TASOR2: variants seen among roughly 807,000 people sequenced by gnomAD.
TASOR2 encodes the protein transcription activation suppressor family member 2.
A neutral mutation model predicts 199.5 loss-of-function variants in TASOR2; 84 were observed. The observed-to-expected ratio is 0.42, with a 90% CI of 0.35 to 0.50. The LOEUF (loss-of-function observed/expected upper bound fraction) is 0.50, where lower values mean the gene tolerates loss of function less well. Among genes scored for constraint, TASOR2 ranks in the 20% least tolerant of loss-of-function variants. The probability of loss-of-function intolerance (pLI) is 0.02; values close to 1 mark genes in which losing one functional copy is unlikely to be tolerated. For missense variants in TASOR2, 2,796 were observed against 2,835.9 expected (o/e 0.99, Z 0.32); for synonymous variants, 1,103 against 1,046.6 (o/e 1.05, Z -1.04).
intron 10 of TASOR2, 61 bp downstream of exon 11, chr10:5,727,184 C>G: frequency 3.8e-6 from 6 of 1,562,056 alleles, no homozygotes; most frequent in Non-Finnish European, 5.3e-6. Flanking sequence ...CCTCATCTGA[C>G]TTGACCTCTC....
chr10:5,715,529 C>A (rs942619920), intron 2 of TASOR2, among the ~76,000 whole-genome samples: 4 of 152,104 alleles, frequency 2.6e-5, no homozygotes, highest in African/African-American at 9.7e-5. Context: ...GTTTTTAAGG[C>A]ATATTGTAGC....
In TASOR2 at chr10:5,751,349, G is replaced by A. The variant is rs76243878; in HGVS notation, c.6606+1322G>A. ...AAATAGTGATACTGAAATTCCACCA[G>A]ATTCCTTCTGCATTTATTAGTTGGT... On this transcript the variant is annotated intron_variant, in intron 15 of 20. Transcript: ENST00000328090. This position sits in a 1 kb window ranked among gnomAD's most constrained non-coding sequence, Gnocchi z 5.3. Among the ~76,000 whole-genome samples the A allele has an allele frequency of 0.014, 2,075 of 152,310 alleles. 63 individuals carry two copies. Among genetic ancestry groups the A allele is most frequent in the Admixed American group, 0.081 (1,239 of 15,286 alleles).
At chr10:5,714,057 T>TGA (rs1588684467) in intron 2 of TASOR2, 78 bp from the exon 3 acceptor site, 2 of 465,918 alleles carry the variant, frequency 4.3e-6, no homozygotes, top group African/African-American at 8.7e-5. Context: ...AAAAATAAAA[T>TGA]TAAAAAAAAA....
intron 20 of TASOR2, 41 bp from the exon 22 acceptor site, chr10:5,762,988 A>G (rs1840120274): frequency 6.3e-7 from 1 of 1,596,838 alleles, no homozygotes; most frequent in Admixed American, 1.7e-5. Context: ...TCTTGTTCGT[A>G]TTATTTTAAG....
intron 15 of TASOR2, among the ~76,000 whole-genome samples, chr10:5,756,045 T>C (rs558601048): frequency 6.6e-6 from 1 of 152,046 alleles, no homozygotes; most frequent in Non-Finnish European, 1.5e-5. Context: ...ATTATAGAAT[T>C]TATTTAATTA....
intron 6 of TASOR2, among the ~76,000 whole-genome samples, chr10:5,721,845 C>T (rs1261988395): frequency 6.6e-6 from 1 of 152,176 alleles, no homozygotes; most frequent in African/African-American, 2.4e-5. Flanking sequence ...CTGGCAGATA[C>T]CATCTTAACT....
intron 17 of TASOR2, 44 bp from the exon 19 acceptor site, chr10:5,758,842 AC>A: frequency 6.9e-7 from 1 of 1,450,268 alleles, no homozygotes; most frequent in Non-Finnish European, 9.7e-7. Context: ...AGCCAAAAGT[AC>A]CTTAAACTTG....
chr10:5,744,872 G>A (rs1165317191), intron 14 of TASOR2, among the ~76,000 whole-genome samples: 1 of 151,940 alleles, frequency 6.6e-6, no homozygotes, highest in Admixed American at 6.6e-5. Flanking sequence ...ATAGTGATCC[G>A]CCCACCACAG....
rs755900374 is a variant in TASOR2, at chr10:5,762,517, T to G, written c.7175-15T>G. On this transcript the variant is annotated splice_polypyrimidine_tract_variant and intron_variant, in intron 19 of 20. Transcript: ENST00000328090. ...ATTATATTAACCAAAAGTTGTTTTT[T>G]TTTTTTTTTAACAGACAAGCCTACT... 4.9e-6 allele frequency: 3 copies of G among 606,962 alleles called. No individual in the cohort carries two copies. The South Asian group carries it at 1.0e-4, about 21-fold the overall frequency. The allele number at this position is 606,962 out of a possible 1,614,324, so 37.6% of individuals were successfully genotyped here.
At chr10:5,708,964 C>T (rs993330522) in intron 1 of TASOR2, among the ~76,000 whole-genome samples, 5 of 152,152 alleles carry the variant, frequency 3.3e-5, no homozygotes, top group South Asian at 2.1e-4. Context: ...AGCTTCCCGG[C>T]GTGCTGGGAT....
chr10:5,688,580 C>T (rs536794426), intron 1 of TASOR2, among the ~76,000 whole-genome samples: 4 of 152,134 alleles, frequency 2.6e-5, no homozygotes, highest in South Asian at 4.1e-4. Context: ...TATGAATGAA[C>T]TTCTCATGCT....
chr10:5,692,610 T>C (rs539232432), intron 1 of TASOR2, among the ~76,000 whole-genome samples: 2 of 152,090 alleles, frequency 1.3e-5, no homozygotes, highest in South Asian at 4.1e-4. Flanking sequence ...ACAAGCTCCG[T>C]TGGGTCTACG....
In TASOR2 at chr10:5,685,173, C is replaced by T; in HGVS notation, c.-290C>T. On this transcript the variant is annotated splice_region_variant and 5_prime_UTR_variant, in exon 1 of 21. The change creates a new upstream start codon in the 5' untranslated region. Coordinates refer to ENST00000328090, the Ensembl canonical transcript of TASOR2. The surrounding 1 kb of genome is among the most constrained non-coding windows in gnomAD (Gnocchi z 5.4). ...TCGGGGGCGGCGGCCACGCCAAGGA[C>T]GGGTAAGTCCCTCCTCGGCCTGGGC... 1 of 398,018 alleles carries T rather than the reference C, an allele frequency of 2.5e-6. No homozygotes were observed. Among genetic ancestry groups the T allele is most frequent in the East Asian group, 3.6e-5 (1 of 28,028 alleles). 24.7% of individuals were successfully genotyped at this position (398,018 alleles called of 1,614,324 possible).
intron 14 of TASOR2, among the ~76,000 whole-genome samples, chr10:5,743,553 A>C (rs1231290145): frequency 6.6e-6 from 1 of 152,154 alleles, no homozygotes; most frequent in Non-Finnish European, 1.5e-5. Flanking sequence ...AGAAAACCTA[A>C]ATGTTAACTA....
intron 10 of TASOR2, among the ~76,000 whole-genome samples, chr10:5,729,820 C>T (rs1564308754): frequency 6.6e-6 from 1 of 150,998 alleles, no homozygotes; most frequent in Non-Finnish European, 1.5e-5. Flanking sequence ...GACCTTTTCT[C>T]TTTTTTTTTC....
intron 1 of TASOR2, among the ~76,000 whole-genome samples, chr10:5,692,294 T>A (rs1308966471): frequency 1.3e-5 from 2 of 151,926 alleles, no homozygotes; most frequent in Non-Finnish European, 2.9e-5. Flanking sequence ...GGACGAAGAG[T>A]TATAATAACT....
At chr10:5,761,081 C>G in intron 18 of TASOR2, 1 of 519,406 alleles carries the variant, frequency 1.9e-6, no homozygotes, top group Non-Finnish European at 3.4e-6. Flanking sequence ...TGATGTCCCT[C>G]TTAGAATGAG....
chr10:5,748,154 C>T lies in TASOR2; in HGVS notation c.4733C>T (p.Pro1578Leu), dbSNP rs1432012786. Residue 1578 changes from proline (P) to leucine (L), a missense_variant, in exon 15 of 21, where the codon CCT (proline) becomes CTT (leucine). By Grantham distance (98) the Pro-to-Leu change is moderately conservative. This residue lies in a region of TASOR2 where 1,941 missense variants were observed against 1,924.9 expected (regional missense o/e 1.01). Transcript: ENST00000328090. This position sits in a 1 kb window ranked among gnomAD's most constrained non-coding sequence, Gnocchi z 5.1. ...GAGTCCAGTGAACCTCCATTTGGTC[C>T]TAGAAATGTTATTGAAAATAAGTCT... 1.2e-6 allele frequency: 2 copies of T among 1,614,150 alleles called. No individual in the cohort carries two copies. Among genetic ancestry groups the T allele is most frequent in the Non-Finnish European group, 1.7e-6 (2 of 1,180,030 alleles).
At chr10:5,713,493 T>C (rs1832188217) in intron 2 of TASOR2, among the ~76,000 whole-genome samples, 1 of 152,244 alleles carries the variant, frequency 6.6e-6, no homozygotes, top group Non-Finnish European at 1.5e-5. Context: ...TCTAAAATAA[T>C]TCAAAGTTAG....
Sources: allele counts gnomAD v4.1 joint callset (sites outside exome capture counted in the v4.1 genomes callset), GRCh38; gene constraint gnomAD v4.1.1; regional missense constraint gnomAD v4.1.1; non-coding constraint Gnocchi (gnomAD v3.1); transcripts MANE v1.5; gene names NCBI Gene and HGNC (gene_info 2026-07-23, HGNC 2026-07-21).